The following DAB2 variants were observed in gnomAD, a reference collection of about 807,000 sequenced individuals.
The protein encoded by DAB2 is disabled homolog 2.
A neutral mutation model predicts 71.6 loss-of-function variants in DAB2; 28 were observed. The ratio of observed to expected loss-of-function variants is 0.39; its 90% CI spans 0.29 to 0.54. The LOEUF (loss-of-function observed/expected upper bound fraction) is 0.54, where lower values mean the gene tolerates loss of function less well. Ranked by LOEUF, DAB2 falls within the 20% of genes least tolerant of loss-of-function variation. The pLI, the probability that DAB2 is intolerant of heterozygous loss-of-function variation, is 0.68. For missense variants in DAB2, 867 were observed against 928.8 expected (o/e 0.93, Z 0.86); for synonymous variants, 345 against 339.7 (o/e 1.02, Z -0.17).
intron 1 of DAB2, among the ~76,000 whole-genome samples, chr5:39,400,834 A>C (rs1002536391): frequency 1.3e-5 from 2 of 152,156 alleles, no homozygotes; most frequent in Admixed American, 1.3e-4. Flanking sequence ...TTTGTTTAGA[A>C]TGTCCAGTAC....
intron 9 of DAB2, 30 bp downstream of exon 9, chr5:39,388,275 T>G: frequency 6.5e-7 from 1 of 1,531,184 alleles, no homozygotes; most frequent in African/African-American, 1.4e-5. Context: ...GTCATTTTAT[T>G]ACATTGCAAA....
In DAB2 at chr5:39,377,160, G is replaced by A. The variant is rs1361980228; in HGVS notation, c.1627C>T (p.Pro543Ser). 8.7e-6 allele frequency: 14 copies of A among 1,614,114 alleles called. No homozygotes were observed. The highest frequency in any genetic ancestry group is 1.2e-5 in the Non-Finnish European group (14 of 1,180,010). ...GCTGGACTTGTACCAAAAATGACGG[G>A]CTGACTAAAACCTGAAGGTTGACCA... ...MGGQPSGFSQ[P>S]VIFGTSPAVS... The change falls in exon 12 of 15, where the codon CCC becomes TCC. Residue 543 changes from proline (P) to serine (S), a missense_variant. This residue lies in a region of DAB2 where 740 missense variants were observed against 734.3 expected (regional missense o/e 1.01). Transcript: ENST00000320816.
chr5:39,411,043 C>T (rs748386008), intron 1 of DAB2, among the ~76,000 whole-genome samples: 22 of 152,030 alleles, frequency 1.4e-4, no homozygotes, highest in Non-Finnish European at 2.8e-4. Flanking sequence ...GTTCTTCTTT[C>T]TCCAGGCCTG....
Position 39,394,286 on chromosome 5 carries a change from C to A in DAB2, c.35G>T (p.Gly12Val), listed in dbSNP as rs2112064410. Residue 12 changes from glycine (G) to valine (V), a missense_variant, in exon 2 of 15, where the codon GGT (glycine) becomes GTT (valine). Transcript: ENST00000320816. ...TGGTGCGGCCTGTTGGTCGGGCTGA[C>A]CATTGGTTGCACTTGTTTCTACTTC... ...SNEVETSATN[G>V]QPDQQAAPKA... The A allele has an allele frequency of 5.0e-6, 8 of 1,614,088 alleles. No individual in the cohort carries two copies. Among genetic ancestry groups the A allele is most frequent in the Non-Finnish European group, 6.8e-6 (8 of 1,179,998 alleles).
chr5:39,399,281 G>A (rs916731947), intron 1 of DAB2, among the ~76,000 whole-genome samples: 2 of 152,102 alleles, frequency 1.3e-5, no homozygotes, highest in Non-Finnish European at 2.9e-5. Flanking sequence ...GTTATCACAA[G>A]GCAAGGATTA....
At chr5:39,398,072 A>G (rs1396976999) in intron 1 of DAB2, among the ~76,000 whole-genome samples, 3 of 152,224 alleles carry the variant, frequency 2.0e-5, no homozygotes, top group Admixed American at 6.5e-5. Context: ...TCTGTTGCCC[A>G]TCTTTGAAGC....
intron 6 of DAB2, among the ~76,000 whole-genome samples, chr5:39,389,340 T>C (rs1182631756): frequency 2.0e-5 from 3 of 152,058 alleles, no homozygotes; most frequent in Non-Finnish European, 4.4e-5. Flanking sequence ...CTAGAATTAA[T>C]ATGAATCTCA....
intron 12 of DAB2, 37 bp from the exon 13 acceptor site, chr5:39,376,143 C>A (rs749878528): frequency 6.5e-7 from 1 of 1,543,926 alleles, no homozygotes; most frequent in Non-Finnish European, 8.9e-7. Flanking sequence ...AGTAGACAAG[C>A]TTTCCCCAAA....
chr5:39,382,873 G>A lies in DAB2; in HGVS notation c.1086C>T (p.Gly362=), dbSNP rs748653688. 1 of 1,614,118 alleles carries A rather than the reference G, an allele frequency of 6.2e-7. No individual in the cohort carries two copies. The highest frequency in any genetic ancestry group is 1.7e-5 in the Admixed American group (1 of 60,008). Residue 362 remains glycine (G), a synonymous_variant, in exon 10 of 15, where the codon GGC becomes GGT. Transcript: ENST00000320816. ...NRTGKQEAQA[G]PWPFSSSQTQ... ...TTTGCGAACTTGAAAAGGGCCATGG[G>A]CCTGCCTGAGCTTCCTGTTTGCCAG...
chr5:39,399,867 A>G (rs1194338769), intron 1 of DAB2, among the ~76,000 whole-genome samples: 1 of 152,220 alleles, frequency 6.6e-6, no homozygotes, highest in African/African-American at 2.4e-5. Context: ...ATAGGGGTAA[A>G]GTTGGTTGGC....
chr5:39,389,061 A>G (rs1310017182), intron 7 of DAB2, 36 bp downstream of exon 7: 1 of 1,606,212 alleles, frequency 6.2e-7, no homozygotes, highest in Non-Finnish European at 8.5e-7. Context: ...CGCATGTCAC[A>G]CACATGATTA....
chr5:39,398,790 G>A (rs553654886), intron 1 of DAB2, among the ~76,000 whole-genome samples: 22 of 152,242 alleles, frequency 1.4e-4, no homozygotes, highest in African/African-American at 5.1e-4. Flanking sequence ...TAAAGAGCAC[G>A]TCCCCATCAT....
At chr5:39,407,336 C>T (rs547756211) in intron 1 of DAB2, among the ~76,000 whole-genome samples, 1 of 152,328 alleles carries the variant, frequency 6.6e-6, no homozygotes, top group Admixed American at 6.5e-5. Flanking sequence ...TTTCCTGCCT[C>T]AGCCTCCTGA....
intron 1 of DAB2, among the ~76,000 whole-genome samples, chr5:39,410,659 T>A (rs1755703205): frequency 6.6e-6 from 1 of 152,172 alleles, no homozygotes. Flanking sequence ...GATCTATGTG[T>A]GTATCTTTTA....
At chr5:39,410,704 T>A (rs564674377) in intron 1 of DAB2, among the ~76,000 whole-genome samples, 62 of 152,270 alleles carry the variant, frequency 4.1e-4, no homozygotes, top group African/African-American at 1.5e-3. Context: ...CAGCTGTAGA[T>A]AATTTTACAG....
chr5:39,378,444 AC>A (rs1754882381), intron 11 of DAB2, among the ~76,000 whole-genome samples: 2 of 152,250 alleles, frequency 1.3e-5, no homozygotes, highest in Non-Finnish European at 2.9e-5. Context: ...TTTTCTTCAG[AC>A]CTGGGTTAGG....
At position 39,390,323 on chromosome 5, in the gene DAB2, G is replaced by T. The variant is rs534889954; in HGVS notation, c.462+121C>A. On this transcript the variant is annotated intron_variant, in intron 5 of 14. Coordinates refer to ENST00000320816, the MANE Select transcript of DAB2 (RefSeq NM_001343.4). Reference sequence around the variant, plus strand: ...TAGGCCAATAAAAATAGTCATTCTCGGAATTATTATTTAGCCCTCTTACAT... The same window carrying T: ...TAGGCCAATAAAAATAGTCATTCTCTGAATTATTATTTAGCCCTCTTACAT... The T allele has an allele frequency of 3.2e-5, 40 of 1,240,296 alleles. No individual in the cohort carries two copies. The Middle Eastern group carries it at 5.9e-4, about 18-fold the overall frequency. The allele number at this position is 1,240,296 out of a possible 1,614,324, so 76.8% of individuals were successfully genotyped here. A position where few individuals can be genotyped will look rare whatever the true frequency, so the allele number is the denominator to read the frequency against.
intron 1 of DAB2, among the ~76,000 whole-genome samples, chr5:39,420,532 T>A (rs1410920927): frequency 1.3e-5 from 2 of 152,196 alleles, no homozygotes; most frequent in African/African-American, 4.8e-5. Flanking sequence ...CACTTAGAAT[T>A]TTTACCAGTT....
chr5:39,382,879 C>T lies in DAB2; in HGVS notation c.1080G>A (p.Gln360=). ...AACTTGAAAAGGGCCATGGGCCTGC[C>T]TGAGCTTCCTGTTTGCCAGTCCGGT... ...ISNRTGKQEA[Q]AGPWPFSSSQ... The change falls in exon 10 of 15, where the codon CAG becomes CAA. Residue 360 remains glutamine (Q), a synonymous_variant. Transcript: ENST00000320816. 1 of 1,614,122 alleles carries T rather than the reference C, an allele frequency of 6.2e-7. No homozygotes were observed.
Sources: allele counts gnomAD v4.1 joint callset (sites outside exome capture counted in the v4.1 genomes callset), GRCh38; gene constraint gnomAD v4.1.1; regional missense constraint gnomAD v4.1.1; transcripts MANE v1.5; gene names NCBI Gene and HGNC (gene_info 2026-07-23, HGNC 2026-07-21).